ZNF608: variants seen among roughly 807,000 people sequenced by gnomAD.
ZNF608 encodes renal carcinoma antigen NY-REN-36.
ZNF608 carries 12 observed loss-of-function variants against 109.0 expected under a neutral mutation model. That is an observed-to-expected ratio of 0.11 (90% confidence interval 0.07 to 0.18). The LOEUF is 0.18. ZNF608 is among the 10% of genes least tolerant of loss of function. The probability of loss-of-function intolerance (pLI) is 1.00; values close to 1 mark genes in which losing one functional copy is unlikely to be tolerated. For synonymous variants in ZNF608, 732 were observed against 717.4 expected (o/e 1.02, Z -0.33); for missense variants, 1,707 against 1,879.3 (o/e 0.91, Z 1.70).
intron 3 of ZNF608, among the ~76,000 whole-genome samples, chr5:124,668,219 A>G (rs1392717099): frequency 1.4e-5 from 2 of 140,002 alleles, no homozygotes; most frequent in Non-Finnish European, 3.1e-5. Flanking sequence ...TATATATATT[A>G]TATATATATA....
rs1172984461 is a variant in ZNF608 at position 124,639,180 on chromosome 5, C to T, written c.4485G>A (p.Gln1495=). Residue 1495 remains glutamine, a synonymous_variant, in exon 9 of 10, where the codon CAG becomes CAA. Coordinates refer to ENST00000513986, the MANE Select transcript of ZNF608 (RefSeq NM_020747.3). ...LTSAALVASQ[Q]VAAQASASGM... ...CAGATGCAGATGCCTGGGCAGCCACCTGCTGAGAGGCAACAAGGGCAGCAG... is the reference window on the plus strand; with the variant it reads ...CAGATGCAGATGCCTGGGCAGCCACTTGCTGAGAGGCAACAAGGGCAGCAG... 14 of 1,614,084 alleles carry T rather than the reference C, an allele frequency of 8.7e-6. No individual in the cohort carries two copies. The highest frequency in any genetic ancestry group is 1.1e-5 in the Non-Finnish European group (13 of 1,180,036).
intron 3 of ZNF608, among the ~76,000 whole-genome samples, chr5:124,674,186 T>C (rs2149816564): frequency 6.6e-6 from 1 of 152,286 alleles, no homozygotes; most frequent in East Asian, 1.9e-4. Context: ...CTACACATTA[T>C]AGGTAAATTG....
chr5:124,731,629 T>C (rs531604261), intron 2 of ZNF608, among the ~76,000 whole-genome samples: 1 of 151,916 alleles, frequency 6.6e-6, no homozygotes, highest in Admixed American at 6.5e-5. Flanking sequence ...AGTTCGAGAC[T>C]AGCCTGGCCA....
chr5:124,726,261 G>A (rs1754134090), intron 2 of ZNF608, among the ~76,000 whole-genome samples: 1 of 152,024 alleles, frequency 6.6e-6, no homozygotes, highest in Non-Finnish European at 1.5e-5. Flanking sequence ...CTTTTCCATT[G>A]GAACTAACTC....
At chr5:124,693,714 T>C (rs1752709274) in intron 3 of ZNF608, among the ~76,000 whole-genome samples, 1 of 152,174 alleles carries the variant, frequency 6.6e-6, no homozygotes, top group Non-Finnish European at 1.5e-5. Context: ...TGACGGTCTA[T>C]GTTGTTGCTT....
intron 2 of ZNF608, among the ~76,000 whole-genome samples, chr5:124,722,956 T>C (rs1753990228): frequency 1.3e-5 from 2 of 152,054 alleles, no homozygotes; most frequent in South Asian, 4.1e-4. Context: ...CAAGAAGGTA[T>C]GTATCATAAC....
chr5:124,673,370 G>A (rs901384785), intron 3 of ZNF608, among the ~76,000 whole-genome samples: 2 of 152,150 alleles, frequency 1.3e-5, no homozygotes, highest in Non-Finnish European at 2.9e-5. Context: ...TATGCAATTG[G>A]TTAACTAGTT....
chr5:124,640,612 G>A (rs1428972405), intron 8 of ZNF608, among the ~76,000 whole-genome samples: 1 of 152,208 alleles, frequency 6.6e-6, no homozygotes, highest in Non-Finnish European at 1.5e-5. Flanking sequence ...AAGTTGTAAA[G>A]ATGGTGCCAC....
chr5:124,747,991 G>A (rs1213043764), upstream of ZNF608, among the ~76,000 whole-genome samples: 1 of 152,090 alleles, frequency 6.6e-6, no homozygotes, highest in Non-Finnish European at 1.5e-5. Flanking sequence ...GTTGGGTGGG[G>A]CTTTTATTTT....
At chr5:124,735,447 G>C (rs1267636824) in intron 2 of ZNF608, among the ~76,000 whole-genome samples, 1 of 152,190 alleles carries the variant, frequency 6.6e-6, no homozygotes, top group Non-Finnish European at 1.5e-5. Context: ...CAGGAGCCCA[G>C]GGCCCTCCAT....
chr5:124,718,922 C>A (rs1414170020), intron 2 of ZNF608, among the ~76,000 whole-genome samples: 1 of 152,188 alleles, frequency 6.6e-6, no homozygotes. Flanking sequence ...AATAGGAAAT[C>A]CACTGGCTTT....
intron 2 of ZNF608, among the ~76,000 whole-genome samples, chr5:124,735,724 G>A (rs1193592222): frequency 6.6e-6 from 1 of 152,226 alleles, no homozygotes; most frequent in Non-Finnish European, 1.5e-5. Flanking sequence ...GCTGGTGAAA[G>A]ATTTGGGCAG....
In ZNF608 at chr5:124,649,701, C is replaced by A; in HGVS notation, c.1163-4G>T. 6.3e-7 allele frequency: 1 copy of A among 1,575,300 alleles called. No homozygotes were observed. Among genetic ancestry groups the A allele is most frequent in the Non-Finnish European group, 8.7e-7 (1 of 1,154,602 alleles). ...GTGACATTGACCACTAGGACACCTG[C>A]AGGAGGCAGGGGATGAAAAAGGATC... On this transcript the variant is annotated splice_region_variant and splice_polypyrimidine_tract_variant and intron_variant, in intron 3 of 9. Coordinates refer to ENST00000513986, the MANE Select transcript of ZNF608 (RefSeq NM_020747.3).
intron 2 of ZNF608, chr5:124,708,680 G>C (rs1397246900): frequency 2.2e-6 from 1 of 456,092 alleles, no homozygotes; most frequent in Admixed American, 2.4e-5. Context: ...CACAGACTGG[G>C]AATTATATTG....
At position 124,641,268 on chromosome 5, in the gene ZNF608, T is replaced by C; in HGVS notation, c.4434A>G (p.Gln1478=). ...VGMGYPLIPG[Q]YDPFQGLTSA... Reference sequence around the variant, plus strand: ...GCTGCTGACCTTGAAAAGGGTCATATTGACCCGGGATTAGCGGGTAACCCA... The same window carrying C: ...GCTGCTGACCTTGAAAAGGGTCATACTGACCCGGGATTAGCGGGTAACCCA... Residue 1478 remains glutamine (Q), a synonymous_variant, in exon 8 of 10, where the codon CAA becomes CAG. Transcript: ENST00000513986. 9.3e-6 allele frequency: 15 copies of C among 1,613,760 alleles called. No homozygotes were observed. Among genetic ancestry groups the C allele is most frequent in the Non-Finnish European group, 1.3e-5 (15 of 1,180,022 alleles).
intron 2 of ZNF608, among the ~76,000 whole-genome samples, chr5:124,712,110 G>T (rs1404309160): frequency 6.6e-6 from 1 of 152,072 alleles, no homozygotes; most frequent in Non-Finnish European, 1.5e-5. Flanking sequence ...TCGCACCATT[G>T]CACTCCAGCC....
At chr5:124,640,055 G>C (rs1580513767) in intron 8 of ZNF608, among the ~76,000 whole-genome samples, 2 of 151,886 alleles carry the variant, frequency 1.3e-5, no homozygotes, top group East Asian at 3.9e-4. Flanking sequence ...AATTGTTTAA[G>C]AAATAGGAAA....
At chr5:124,657,409 C>A (rs1751057543) in intron 3 of ZNF608, among the ~76,000 whole-genome samples, 1 of 152,126 alleles carries the variant, frequency 6.6e-6, no homozygotes, top group South Asian at 2.1e-4. Context: ...CGCCTGTAAT[C>A]CCTGCACTTT....
At chr5:124,646,150 CAGG>C (rs1329777657) in intron 5 of ZNF608, among the ~76,000 whole-genome samples, 2 of 152,110 alleles carry the variant, frequency 1.3e-5, no homozygotes, top group Non-Finnish European at 2.9e-5. Context: ...ATCATGAGGT[CAGG>C]AGATCGAGAC....
Sources: gnomAD v4.1 joint callset for allele counts (sites outside exome capture counted in the v4.1 genomes callset) on GRCh38, gnomAD v4.1.1 for gene constraint, MANE v1.5 for transcripts, NCBI Gene and HGNC (gene_info 2026-07-23, HGNC 2026-07-21) for gene names.